NDUFA10: variants seen among roughly 807,000 people sequenced by gnomAD.
NDUFA10 encodes NADH dehydrogenase [ubiquinone] 1 alpha subcomplex subunit 10, mitochondrial.
NDUFA10 carries 40 observed loss-of-function variants against 47.8 expected under a neutral mutation model. That is an observed-to-expected ratio of 0.84 (90% CI 0.65 to 1.09). The LOEUF (loss-of-function observed/expected upper bound fraction) is 1.09, where lower values mean the gene tolerates loss of function less well. Among genes scored for constraint, NDUFA10 ranks in the 50% least tolerant of loss-of-function variants. NDUFA10 has a pLI of 0.00. For synonymous variants in NDUFA10, 183 were observed against 172.2 expected (o/e 1.06, Z -0.49); for missense variants, 413 against 451.1 (o/e 0.92, Z 0.76).
At chr2:239,989,291 G>A (rs1696150335) in intron 9 of NDUFA10, among the ~76,000 whole-genome samples, 1 of 152,236 alleles carries the variant, frequency 6.6e-6, no homozygotes, top group South Asian at 2.1e-4. Context: ...GACTTTCAGT[G>A]GGTGCTTCAG....
At chr2:239,939,084 A>C (rs1248117112) in intron 4 of NDUFA10, among the ~76,000 whole-genome samples, 1 of 152,194 alleles carries the variant, frequency 6.6e-6, no homozygotes, top group East Asian at 1.9e-4. Flanking sequence ...AGGCAGACGT[A>C]AGCTGGTGGC....
chr2:240,018,338 G>T, intron 4 of NDUFA10: 1 of 1,396,734 alleles, frequency 7.2e-7, no homozygotes. Context: ...GCTTTCACAG[G>T]GAGACATGAC....
At chr2:239,980,120 C>T (rs746668069) in intron 9 of NDUFA10, among the ~76,000 whole-genome samples, 15 of 152,190 alleles carry the variant, frequency 9.9e-5, no homozygotes, top group Non-Finnish European at 1.8e-4. Flanking sequence ...CACCCTGTTA[C>T]CTGTCTATCA....
chr2:239,925,168 T>G (rs1694046739), intron 4 of NDUFA10, among the ~76,000 whole-genome samples: 1 of 152,136 alleles, frequency 6.6e-6, no homozygotes, highest in Non-Finnish European at 1.5e-5. Flanking sequence ...CAGAAATCTG[T>G]GCAGATGTGA....
intron 4 of NDUFA10, among the ~76,000 whole-genome samples, chr2:239,925,782 A>C (rs1694054677): frequency 6.6e-6 from 1 of 152,246 alleles, no homozygotes; most frequent in Admixed American, 6.5e-5. Context: ...ACAAAATCTG[A>C]AATACATAAA....
At chr2:239,970,965 C>T (rs1233997017) in intron 9 of NDUFA10, among the ~76,000 whole-genome samples, 1 of 152,200 alleles carries the variant, frequency 6.6e-6, no homozygotes, top group African/African-American at 2.4e-5. Flanking sequence ...CAGGGTTTGG[C>T]TAATAACAAC....
chr2:240,010,735 TG>T (rs1697107604), intron 6 of NDUFA10, among the ~76,000 whole-genome samples: 1 of 152,208 alleles, frequency 6.6e-6, no homozygotes, highest in Non-Finnish European at 1.5e-5. Flanking sequence ...TATTCACTTT[TG>T]ATTTTATTAT....
intron 4 of NDUFA10, among the ~76,000 whole-genome samples, chr2:239,925,672 T>C (rs1694053303): frequency 6.6e-6 from 1 of 152,120 alleles, no homozygotes; most frequent in African/African-American, 2.4e-5. Flanking sequence ...AAAATATACA[T>C]AAAATTGGAC....
At position 239,982,277 on chromosome 2, in the gene NDUFA10, C is replaced by G. The variant is rs1695809934; in HGVS notation, c.999+7797G>C. ...TCGCCTCTGACAAAGGCCGACTTTACTTTTCTTTAGTTACTTGTCTTTTGC... is the reference window on the plus strand; with the variant it reads ...TCGCCTCTGACAAAGGCCGACTTTAGTTTTCTTTAGTTACTTGTCTTTTGC... On this transcript the variant is annotated intron_variant, in intron 9 of 9. Coordinates refer to ENST00000252711, the MANE Select transcript of NDUFA10 (RefSeq NM_004544.4). 4 of 1,593,504 alleles carry G rather than the reference C, an allele frequency of 2.5e-6. No individual in the cohort carries two copies. The Admixed American group carries it at 5.1e-5, about 20-fold the overall frequency.
intron 9 of NDUFA10, among the ~76,000 whole-genome samples, chr2:239,980,798 C>G (rs1028023991): frequency 8.5e-5 from 13 of 152,158 alleles, no homozygotes; most frequent in Non-Finnish European, 1.2e-4. Context: ...CTCGGGACGC[C>G]CAAGAGCTGC....
intron 6 of NDUFA10, among the ~76,000 whole-genome samples, chr2:240,009,135 G>C (rs1002786748): frequency 6.6e-6 from 1 of 152,134 alleles, no homozygotes; most frequent in Non-Finnish European, 1.5e-5. Context: ...TACTTCCAGA[G>C]CCTCCCCAGC....
intron 8 of NDUFA10, among the ~76,000 whole-genome samples, chr2:240,001,676 T>A (rs1000953288): frequency 1.3e-5 from 2 of 152,246 alleles, no homozygotes; most frequent in African/African-American, 4.8e-5. Flanking sequence ...TTGGTCTCCA[T>A]CACCTACGCA....
chr2:239,954,201 G>C (rs1328350949), downstream of NDUFA10, among the ~76,000 whole-genome samples: 3 of 147,788 alleles, frequency 2.0e-5, no homozygotes, highest in Non-Finnish European at 4.4e-5. Context: ...CACCTGCCAG[G>C]CCAGCTGAGT....
chr2:239,970,521 T>C (rs1432316936), intron 9 of NDUFA10, among the ~76,000 whole-genome samples: 1 of 152,224 alleles, frequency 6.6e-6, no homozygotes, highest in African/African-American at 2.4e-5. Context: ...AAAAATTGTT[T>C]CAATCTCTTT....
intron 4 of NDUFA10, among the ~76,000 whole-genome samples, chr2:239,915,052 CACAG>C (rs1693829311): frequency 7.0e-6 from 1 of 142,668 alleles, no homozygotes; most frequent in Non-Finnish European, 1.5e-5. Context: ...CACACACATA[CACAG>C]ACACACACAA....
At chr2:240,024,380 T>C (rs1290042357) in intron 1 of NDUFA10, among the ~76,000 whole-genome samples, 1 of 152,234 alleles carries the variant, frequency 6.6e-6, no homozygotes, top group African/African-American at 2.4e-5. Context: ...ATATATTGTA[T>C]GATTCTAATT....
In NDUFA10 at chr2:239,960,033, A is replaced by C; in HGVS notation, c.*1085T>G. ...TGAACTATGGCCAGTGCAACCAAGG[A>C]ACCCAATTTTAAACTCTATTACATT... On this transcript the variant is annotated 3_prime_UTR_variant, in exon 10 of 10. Transcript: ENST00000252711. 1 of 984,976 alleles carries C rather than the reference A, an allele frequency of 1.0e-6. No homozygotes were observed. Among genetic ancestry groups the C allele is most frequent in the Non-Finnish European group, 1.2e-6 (1 of 829,480 alleles). The allele number at this position is 984,976 out of a possible 1,614,324, so 61.0% of individuals were successfully genotyped here. A position where few individuals can be genotyped will look rare whatever the true frequency, so the allele number is the denominator to read the frequency against.
intron 4 of NDUFA10, among the ~76,000 whole-genome samples, chr2:239,898,921 G>C (rs1409973198): frequency 6.7e-6 from 1 of 149,710 alleles, no homozygotes; most frequent in Non-Finnish European, 1.5e-5. Context: ...ATGGAAGGTT[G>C]TGATGGAGGG....
chr2:240,020,136 C>T (rs923614464), intron 3 of NDUFA10, among the ~76,000 whole-genome samples: 4 of 152,206 alleles, frequency 2.6e-5, no homozygotes, highest in Admixed American at 6.5e-5. Context: ...GCATAGGCAG[C>T]GGCTCCTAGC....
Sources: allele counts gnomAD v4.1 joint callset (sites outside exome capture counted in the v4.1 genomes callset), GRCh38; gene constraint gnomAD v4.1.1; transcripts MANE v1.5; gene names NCBI Gene and HGNC (gene_info 2026-07-23, HGNC 2026-07-21).